The following ADGRE3 variants were observed in gnomAD, a reference collection of about 807,000 sequenced individuals.
ADGRE3 encodes adhesion G protein-coupled receptor E3, also known as EGF-like module receptor 3.
Under a neutral mutation model 80.1 loss-of-function variants are expected in ADGRE3, and 88 were observed. That is an observed-to-expected ratio of 1.10 (90% CI 0.93 to 1.31). The LOEUF is 1.31. Among genes scored for constraint, ADGRE3 ranks in the 40% most tolerant of loss-of-function variants. The probability of loss-of-function intolerance (pLI) is 0.00; values close to 1 mark genes in which losing one functional copy is unlikely to be tolerated. For missense variants in ADGRE3, 715 were observed against 776.5 expected (o/e 0.92, Z 0.94); for synonymous variants, 281 against 294.8 (o/e 0.95, Z 0.48).
At chr19:14,607,550 A>ATTTAT in the ADGRE3 span, among the ~76,000 whole-genome samples, 30 of 141,486 alleles carry the variant, frequency 2.1e-4, no homozygotes, top group African/African-American at 8.1e-4. Flanking sequence ...ATTTTATTTT[A>ATTTAT]TTATTTATTT....
chr19:14,614,001 A>C, the ADGRE3 span, among the ~76,000 whole-genome samples: 1 of 151,302 alleles, frequency 6.6e-6, no homozygotes, highest in African/African-American at 2.4e-5. Flanking sequence ...ATTTATTTTT[A>C]AGAGATGGGT....
At chr19:14,646,273 C>T (rs1971395796) in intron 8 of ADGRE3, among the ~76,000 whole-genome samples, 1 of 152,118 alleles carries the variant, frequency 6.6e-6, no homozygotes, top group African/African-American at 2.4e-5. Context: ...CAGGCATGTG[C>T]CACCATGCCC....
chr19:14,631,765 T>A (rs1296799683), intron 13 of ADGRE3, among the ~76,000 whole-genome samples: 1 of 152,066 alleles, frequency 6.6e-6, no homozygotes, highest in Non-Finnish European at 1.5e-5. Context: ...GATCCTATTG[T>A]GTGTGTGTCG....
intron 14 of ADGRE3, among the ~76,000 whole-genome samples, 155 bp from the exon 15 acceptor site, chr19:14,625,754 A>G (rs184573304): frequency 5.3e-5 from 8 of 152,316 alleles, no homozygotes; most frequent in Admixed American, 5.2e-4. Context: ...TCAGTCTTAT[A>G]AAGGAAGGAG....
At chr19:14,639,085 T>A (rs186584859) in intron 10 of ADGRE3, among the ~76,000 whole-genome samples, 61 of 151,980 alleles carry the variant, frequency 4.0e-4, no homozygotes, top group Middle Eastern at 6.8e-3. Flanking sequence ...AGAGACGGGG[T>A]CTCACTGTGT....
intron 5 of ADGRE3, 45 bp from the exon 6 acceptor site, chr19:14,655,210 G>A: frequency 3.2e-6 from 5 of 1,540,914 alleles, no homozygotes; most frequent in Non-Finnish European, 4.4e-6. Flanking sequence ...ATGTAATCTG[G>A]TAAGTCCCAT....
At chr19:14,671,777 C>T (rs771912009) in intron 1 of ADGRE3, among the ~76,000 whole-genome samples, 8 of 152,090 alleles carry the variant, frequency 5.3e-5, no homozygotes, top group Non-Finnish European at 1.2e-4. Flanking sequence ...CTTCCTTCTA[C>T]ATTTTTTATT....
intron 8 of ADGRE3, among the ~76,000 whole-genome samples, chr19:14,644,627 A>AT (rs745907395): frequency 5.3e-5 from 8 of 151,428 alleles, no homozygotes; most frequent in Non-Finnish European, 8.8e-5. Flanking sequence ...TGGCCAGCTC[A>AT]TTGTCTTTTT....
intron 4 of ADGRE3, among the ~76,000 whole-genome samples, chr19:14,661,399 A>G (rs1390520751): frequency 6.6e-6 from 1 of 152,194 alleles, no homozygotes; most frequent in Non-Finnish European, 1.5e-5. Context: ...CCAGAAGCCC[A>G]GCTGCATTCC....
chr19:14,638,204 A>C lies in ADGRE3; in HGVS notation c.1385T>G (p.Leu462Arg). 6.2e-7 allele frequency: 1 copy of C among 1,614,074 alleles called. No homozygotes were observed. The highest frequency in any genetic ancestry group is 8.5e-7 in the Non-Finnish European group (1 of 1,180,000). Reference sequence around the variant, plus strand: ...GACTGGGAACATGATCCACTTCATGAGTCTATTGATGCTTGAGTAGTTGAC... The same window carrying C: ...GACTGGGAACATGATCCACTTCATGCGTCTATTGATGCTTGAGTAGTTGAC... Reference protein sequence around the residue: ...TVVNYSSINRLMKWIMFPVGY... With the variant: ...TVVNYSSINRRMKWIMFPVGY... The change falls in exon 11 of 16, where the codon CTC (leucine) becomes CGC (arginine). Residue 462 changes from leucine (L) to arginine (R), a missense_variant. Transcript: ENST00000253673.
At chr19:14,636,193 T>TCC (rs1447812597) in intron 11 of ADGRE3, among the ~76,000 whole-genome samples, 13 of 108,336 alleles carry the variant, frequency 1.2e-4, no homozygotes, top group Non-Finnish European at 2.4e-4. Flanking sequence ...CTTTCTTTCT[T>TCC]TCTTTCTTTC....
intron 15 of ADGRE3, 95 bp from the exon 16 acceptor site, chr19:14,619,566 A>G: frequency 1.0e-6 from 1 of 975,100 alleles, no homozygotes; most frequent in South Asian, 1.4e-5. Flanking sequence ...AGTGATTTAA[A>G]CCCAGTTTGA....
chr19:14,650,685 C>T (rs796683896), intron 7 of ADGRE3, among the ~76,000 whole-genome samples: 104 of 147,668 alleles, frequency 7.0e-4, no homozygotes, highest in African/African-American at 2.5e-3. Context: ...CTCTCTCTCC[C>T]CTCTTCCCAC....
intron 4 of ADGRE3, among the ~76,000 whole-genome samples, chr19:14,660,625 T>TAAA (rs34250356): frequency 0.15 from 22,486 of 145,172 alleles, 1,845 homozygotes; most frequent in African/African-American, 0.22. Flanking sequence ...CCCCATCTCT[T>TAAA]AAAAAAAAAA....
At chr19:14,617,344 T>TCTC (rs774654059), downstream of ADGRE3, among the ~76,000 whole-genome samples, 1 of 49,332 alleles carries the variant, frequency 2.0e-5, no homozygotes, top group African/African-American at 8.3e-5. Context: ...CTCCCTCCCT[T>TCTC]TCTTTCTTTC....
chr19:14,650,638 TCTCTCTCTCTCTCTCTC>T lies in ADGRE3; in HGVS notation c.697+430_697+446del, dbSNP rs1599636169. Among the ~76,000 whole-genome samples, 128 of 86,516 alleles carry T rather than the reference TCTCTCTCTCTCTCTCTC, an allele frequency of 1.5e-3. 2 individuals are homozygous for T. The highest frequency in any genetic ancestry group is 0.014 in the East Asian group (49 of 3,522). The allele number at this position is 86,516 out of a possible 152,430, so 56.8% of individuals were successfully genotyped here. A position where few individuals can be genotyped will look rare whatever the true frequency, so the allele number is the denominator to read the frequency against. On this transcript the variant is annotated intron_variant, in intron 7 of 15. Transcript: ENST00000253673. ...CTTGCTCTCTGTCTCCATCTCTCTCTCTCTCTCTCTCTCTCTCTCTCTCTCTCTCTCTCTCTCTCTCT... is the reference window on the plus strand; with the variant it reads ...CTTGCTCTCTGTCTCCATCTCTCTCTTCTCTCTCTCTCTCTCTCTCTCTCT...
At position 14,630,046 on chromosome 19, in the gene ADGRE3, C is replaced by T. The variant is rs1970835602; in HGVS notation, c.1805G>A (p.Ser602Asn). 1.9e-6 allele frequency: 3 copies of T among 1,603,208 alleles called. No homozygotes were observed. The highest frequency in any genetic ancestry group is 1.7e-6 in the Non-Finnish European group (2 of 1,174,692). Residue 602 changes from serine to asparagine, a missense_variant, in exon 14 of 16, where the codon AGC becomes AAC. Transcript: ENST00000253673. ...FFIFLVYCLLSQQVQKQYQKW... is the reference protein window; with the variant it reads ...FFIFLVYCLLNQQVQKQYQKW... ...AAAGGGGTCAGTGTTTACCTGCTGG[C>T]TGAGGAGGCAGTAGACCAAGAAGAT...
intron 11 of ADGRE3, among the ~76,000 whole-genome samples, chr19:14,636,772 C>T (rs150656836): frequency 6.6e-6 from 1 of 152,012 alleles, no homozygotes. Flanking sequence ...CTTTACTGCT[C>T]TATAGGTAAC....
intron 11 of ADGRE3, among the ~76,000 whole-genome samples, chr19:14,634,470 G>A (rs1970978362): frequency 6.6e-6 from 1 of 152,128 alleles, no homozygotes; most frequent in South Asian, 2.1e-4. Context: ...GGTGGACACA[G>A]CTTTGTGACA....
Sources: gnomAD v4.1 joint callset for allele counts (sites outside exome capture counted in the v4.1 genomes callset) on GRCh38, gnomAD v4.1.1 for gene constraint, MANE v1.5 for transcripts, NCBI Gene and HGNC (gene_info 2026-07-23, HGNC 2026-07-21) for gene names.